Variants in KCNIP1 observed in about 807,000 individuals in gnomAD.
KCNIP1 encodes the protein potassium voltage-gated channel interacting protein 1.
In KCNIP1, 18 loss-of-function variants were observed where a neutral mutation model predicts 33.0. The ratio of observed to expected loss-of-function variants is 0.55; its 90% CI spans 0.38 to 0.81. The LOEUF (loss-of-function observed/expected upper bound fraction) is 0.81. Among genes scored for constraint, KCNIP1 ranks in the 30% least tolerant of loss-of-function variants. KCNIP1 has a pLI of 0.00. For synonymous variants in KCNIP1, 93 were observed against 98.3 expected (o/e 0.95, Z 0.32); for missense variants, 238 against 271.6 (o/e 0.88, Z 0.87).
chr5:170,482,525 TA>T (rs1756999886), intron 1 of KCNIP1, among the ~76,000 whole-genome samples: 1 of 152,142 alleles, frequency 6.6e-6, no homozygotes, highest in Admixed American at 6.5e-5. Context: ...ACGGATCAAG[TA>T]ACTGAAGTGA....
chr5:170,399,583 C>G (rs1754845559), intron 1 of KCNIP1, among the ~76,000 whole-genome samples: 1 of 152,098 alleles, frequency 6.6e-6, no homozygotes. Context: ...AAACCACAGT[C>G]AAAATATTAG....
At chr5:170,589,311 C>T (rs531031926) in intron 1 of KCNIP1, among the ~76,000 whole-genome samples, 2 of 152,288 alleles carry the variant, frequency 1.3e-5, no homozygotes, top group South Asian at 2.1e-4. Context: ...CGAGCTCATA[C>T]TTTCATGTTA....
chr5:170,710,443 C>A (rs947523421), intron 1 of KCNIP1, among the ~76,000 whole-genome samples: 7 of 152,166 alleles, frequency 4.6e-5, no homozygotes, highest in African/African-American at 1.7e-4. Flanking sequence ...ATCCAATTAT[C>A]TAGATCAGCT....
chr5:170,704,359 C>A (rs1341386967), intron 1 of KCNIP1, among the ~76,000 whole-genome samples: 2 of 135,360 alleles, frequency 1.5e-5, no homozygotes, highest in Admixed American at 1.4e-4. Context: ...CAGTGCTCTG[C>A]AAATAGGCAG....
At chr5:170,671,986 GT>G (rs1288339799) in intron 1 of KCNIP1, among the ~76,000 whole-genome samples, 1 of 152,264 alleles carries the variant, frequency 6.6e-6, no homozygotes, top group African/African-American at 2.4e-5. Context: ...GAGGGGTGCA[GT>G]TTTATGGATG....
At chr5:170,499,144 G>A (rs1757365385), upstream of KCNIP1, among the ~76,000 whole-genome samples, 3 of 152,182 alleles carry the variant, frequency 2.0e-5, no homozygotes, top group Admixed American at 2.0e-4. Flanking sequence ...AGCAAGCATA[G>A]TGCTGAATTG....
At chr5:170,541,698 T>C (rs866830800) in intron 1 of KCNIP1, among the ~76,000 whole-genome samples, 1 of 151,244 alleles carries the variant, frequency 6.6e-6, no homozygotes, top group African/African-American at 2.4e-5. Context: ...GCCATAATGA[T>C]AAAGTAATGT....
At chr5:170,449,627 T>G (rs1756198066) in intron 1 of KCNIP1, among the ~76,000 whole-genome samples, 1 of 152,238 alleles carries the variant, frequency 6.6e-6, no homozygotes, top group African/African-American at 2.4e-5. Context: ...TCCATACAGC[T>G]ATTGTGCTGA....
At chr5:170,383,814 C>T (rs767780545) in intron 1 of KCNIP1, 4 of 1,614,012 alleles carry the variant, frequency 2.5e-6, no homozygotes. Flanking sequence ...TGATGTTGGT[C>T]TCAATCAGGT....
chr5:170,442,827 A>G (rs193086288), intron 1 of KCNIP1, among the ~76,000 whole-genome samples: 1 of 152,348 alleles, frequency 6.6e-6, no homozygotes, highest in Admixed American at 6.5e-5. Context: ...AACTCGATCT[A>G]TTAGAACAAG....
intron 1 of KCNIP1, among the ~76,000 whole-genome samples, chr5:170,574,059 GT>G (rs955720095): frequency 1.3e-5 from 2 of 152,308 alleles, no homozygotes; most frequent in East Asian, 1.9e-4. Flanking sequence ...AAATAGCTGG[GT>G]TTTTTACTTT....
chr5:170,693,292 G>C (rs562476064), intron 1 of KCNIP1, among the ~76,000 whole-genome samples: 2 of 152,210 alleles, frequency 1.3e-5, no homozygotes, highest in Admixed American at 6.5e-5. Flanking sequence ...GATGGAGCCA[G>C]GCTGACACCA....
chr5:170,664,766 G>A (rs62392767), intron 1 of KCNIP1, among the ~76,000 whole-genome samples: 1 of 152,180 alleles, frequency 6.6e-6, no homozygotes, highest in Admixed American at 6.5e-5. Context: ...ATAACATCTA[G>A]TAGTGATAAA....
At chr5:170,515,982 G>A (rs1406861384) in intron 1 of KCNIP1, among the ~76,000 whole-genome samples, 1 of 152,180 alleles carries the variant, frequency 6.6e-6, no homozygotes, top group African/African-American at 2.4e-5. Flanking sequence ...AAGTCACAGA[G>A]GCAGGCAACA....
intron 1 of KCNIP1, among the ~76,000 whole-genome samples, chr5:170,696,456 G>T (rs983162159): frequency 6.6e-6 from 1 of 152,126 alleles, no homozygotes; most frequent in Non-Finnish European, 1.5e-5. Context: ...GTCTTGCAGT[G>T]GGATGGAAGC....
intron 1 of KCNIP1, among the ~76,000 whole-genome samples, chr5:170,511,255 A>G (rs149064319): frequency 1.3e-5 from 2 of 152,346 alleles, no homozygotes; most frequent in East Asian, 3.9e-4. Context: ...GTGTCTCCCT[A>G]TAGGGCCACG....
intron 1 of KCNIP1, chr5:170,353,988 T>A: frequency 6.2e-7 from 1 of 1,606,058 alleles, no homozygotes. Flanking sequence ...CCTTGACCCT[T>A]GCTTTCTGTC....
At chr5:170,525,155 C>T (rs1352507878) in intron 1 of KCNIP1, among the ~76,000 whole-genome samples, 1 of 152,206 alleles carries the variant, frequency 6.6e-6, no homozygotes, top group African/African-American at 2.4e-5. Context: ...GCCTGGGAGC[C>T]AGCTGTCCTG....
intron 1 of KCNIP1, among the ~76,000 whole-genome samples, chr5:170,667,930 C>G (rs968724008): frequency 6.6e-6 from 1 of 152,208 alleles, no homozygotes; most frequent in African/African-American, 2.4e-5. Context: ...TTTATTGGCT[C>G]ATGTAACTGA....
Sources: allele counts gnomAD v4.1 joint callset (sites outside exome capture counted in the v4.1 genomes callset), GRCh38; gene constraint gnomAD v4.1.1; transcripts MANE v1.5; gene names NCBI Gene and HGNC (gene_info 2026-07-23, HGNC 2026-07-21).